WBP11: variants seen among roughly 807,000 people sequenced by gnomAD.
WBP11 encodes the protein WW domain binding protein 11.
Under a neutral mutation model 66.7 loss-of-function variants are expected in WBP11, and 12 were observed. That is an observed-to-expected ratio of 0.18 (90% confidence interval 0.12 to 0.29). The LOEUF is 0.29. Among genes scored for constraint, WBP11 ranks in the 10% least tolerant of loss-of-function variants. The pLI, the probability that WBP11 is intolerant of heterozygous loss-of-function variation, is 1.00. For synonymous variants in WBP11, 255 were observed against 273.8 expected, an observed-to-expected ratio of 0.93 and a Z score of 0.68; for missense variants, 555 against 818.3, an observed-to-expected ratio of 0.68 and a Z score of 3.93.
rs1949747176 is a variant in WBP11 at position 14,785,773 on chromosome 12, G to A, written c.*1292C>T. On this transcript the variant is annotated 3_prime_UTR_variant, in exon 12 of 12. Coordinates refer to ENST00000261167, the MANE Select transcript of WBP11 (RefSeq NM_016312.3). ...TGAGATACTGTGGAAAGTAACGTAT[G>A]CCTAAACAATGCACGCACTGTGTGT... The A allele has an allele frequency of 3.9e-5, 6 of 152,180 alleles. No individual in the cohort carries two copies. In the South Asian group the frequency reaches 1.2e-3, roughly 32 times the overall value. 9.4% of individuals were successfully genotyped at this position (152,180 alleles called of 1,614,324 possible). A position where few individuals can be genotyped will look rare whatever the true frequency, so the allele number is the denominator to read the frequency against.
intron 2 of WBP11, chr12:14,801,058 T>G (rs1353485855): frequency 2.1e-6 from 1 of 466,290 alleles, no homozygotes; most frequent in Non-Finnish European, 3.7e-6. Flanking sequence ...CTCGCAAAAC[T>G]AATTTGCTCA....
chr12:14,791,402 AT>A (rs1949820736), intron 8 of WBP11, 132 bp from the exon 9 acceptor site: 2 of 587,278 alleles, frequency 3.4e-6, no homozygotes, highest in Non-Finnish European at 3.0e-6. Context: ...TGAGATAGCT[AT>A]ACTAATGATA....
chr12:14,790,783 G>T, intron 9 of WBP11, 34 bp from the exon 10 acceptor site: 1 of 1,579,980 alleles, frequency 6.3e-7, no homozygotes, highest in South Asian at 1.2e-5. Flanking sequence ...AAATGGAGTT[G>T]ATTCATTTTC....
intron 4 of WBP11, among the ~76,000 whole-genome samples, chr12:14,797,880 G>C (rs1949911383): frequency 1.3e-5 from 2 of 152,144 alleles, no homozygotes; most frequent in African/African-American, 4.8e-5. Context: ...AGCTGAATGA[G>C]GCTAACAGAC....
chr12:14,795,804 G>T (rs1284234413), intron 5 of WBP11, among the ~76,000 whole-genome samples: 1 of 152,144 alleles, frequency 6.6e-6, no homozygotes, highest in Non-Finnish European at 1.5e-5. Context: ...AGTGGTGGAG[G>T]TTGGGCTCAT....
rs1299975590 is a variant in WBP11, at chr12:14,794,553, T to C, written c.705A>G (p.Leu235=). The part of the protein sequence containing the change: ...LPPRRRDEDM[L]YSPELAQRGH... ...ACTTCTCACCAAGTTCAGGACTATA[T>C]AACATGTCTTCATCTCGCCTACGAG... Residue 235 remains leucine, a synonymous_variant, in exon 7 of 12, where the codon TTA becomes TTG. Coordinates refer to ENST00000261167, the MANE Select transcript of WBP11 (RefSeq NM_016312.3). 3.1e-6 allele frequency: 5 copies of C among 1,613,860 alleles called. No homozygotes were observed. In the South Asian group the frequency reaches 5.5e-5, roughly 18 times the overall value.
chr12:14,792,650 C>T (rs994931829), intron 8 of WBP11, among the ~76,000 whole-genome samples: 9 of 151,734 alleles, frequency 5.9e-5, no homozygotes, highest in Non-Finnish European at 8.8e-5. Context: ...CTGGCCAACA[C>T]GGTGAAACCC....
Position 14,796,812 on chromosome 12 carries a change from C to T in WBP11, c.382G>A (p.Val128Ile). 1 of 1,587,978 alleles carries T rather than the reference C, an allele frequency of 6.3e-7. No individual in the cohort carries two copies. Among genetic ancestry groups the T allele is most frequent in the Non-Finnish European group, 8.5e-7 (1 of 1,172,746 alleles). The change falls in exon 5 of 12, where the codon GTC (valine) becomes ATC (isoleucine). Residue 128 changes from valine (V) to isoleucine (I), a missense_variant. Val to Ile is a conservative substitution (Grantham distance 29, BLOSUM62 3). Transcript: ENST00000261167. The surrounding 1 kb of genome is among the most constrained non-coding windows in gnomAD (Gnocchi z 4.5). ...AAAAAAAAAACCTTGATTACCTTGA[C>T]AGCATCAAAATATTGGCTAAGTTGA... ...RAQLSQYFDA[V>I]KNAQHVEVES...
chr12:14,793,796 C>G lies in WBP11; in HGVS notation c.848G>C (p.Ser283Thr), dbSNP rs781113791. 11 of 1,614,008 alleles carry G rather than the reference C, an allele frequency of 6.8e-6. No homozygotes were observed. The African/African-American group carries it at 1.5e-4, about 22-fold the overall frequency. The change falls in exon 8 of 12, where the codon AGT (serine) becomes ACT (threonine). Residue 283 changes from serine (S) to threonine (T), a missense_variant. Physicochemically the swap from Ser to Thr is moderately conservative, Grantham distance 58. Transcript: ENST00000261167. The stretch of plus-strand genomic sequence containing the variant: ...ACGGTGCACAAATTCATCCCCGTCA[C>G]TTTCTCCATCTGATTTGTCGGTGTC... ...DSDTDKSDGE[S>T]DGDEFVHRDN...
At chr12:14,793,574 T>A (rs1949849234) in intron 8 of WBP11, among the ~76,000 whole-genome samples, 157 bp downstream of exon 8, 1 of 152,196 alleles carries the variant, frequency 6.6e-6, no homozygotes, top group African/African-American at 2.4e-5. Flanking sequence ...ACTTACTGTG[T>A]CAAAAACTTT....
intron 3 of WBP11, among the ~76,000 whole-genome samples, 162 bp downstream of exon 3, chr12:14,800,590 C>T (rs186058990): frequency 4.6e-5 from 7 of 152,010 alleles, no homozygotes; most frequent in Non-Finnish European, 1.0e-4. Flanking sequence ...TACTTCAGTT[C>T]CTAAATAAAG....
Position 14,787,466 on chromosome 12 carries a change from G to C in WBP11, c.1525C>G (p.Pro509Ala). 1 of 1,520,410 alleles carries C rather than the reference G, an allele frequency of 6.6e-7. No homozygotes were observed. The highest frequency in any genetic ancestry group is 8.8e-7 in the Non-Finnish European group (1 of 1,134,000). The allele number at this position is 1,520,410 out of a possible 1,614,324, so 94.2% of individuals were successfully genotyped here. A position where few individuals can be genotyped will look rare whatever the true frequency, so the allele number is the denominator to read the frequency against. ...GGTCCAAGGGGAGGCACCAAAGGTG[G>C]GCGCATCATGCCAGGACGAGGTGGA... ...IPPPRPGMMR[P>A]PLVPPLGPAP... The change falls in exon 12 of 12, where the codon CCA becomes GCA. Residue 509 changes from proline (P) to alanine (A), a missense_variant. Transcript: ENST00000261167.
At chr12:14,795,836 CTGT>C (rs1462202507) in intron 5 of WBP11, among the ~76,000 whole-genome samples, 11 of 152,292 alleles carry the variant, frequency 7.2e-5, no homozygotes, top group African/African-American at 2.4e-4. Context: ...TGTTGAATTT[CTGT>C]TGTGTATTAG....
At chr12:14,800,823 T>C in intron 2 of WBP11, 40 bp from the exon 3 acceptor site, 1 of 1,523,814 alleles carries the variant, frequency 6.6e-7, no homozygotes. Context: ...AATCTTTGAA[T>C]CTTGAACATT....
rs71537690 is a variant in WBP11 at position 14,786,706 on chromosome 12, T to C, written c.*359A>G. The C allele has an allele frequency of 2.9e-3, 487 of 170,666 alleles. 3 individuals carry two copies. Among genetic ancestry groups the C allele is most frequent in the African/African-American group, 9.1e-3 (383 of 42,226 alleles). 10.6% of individuals were successfully genotyped at this position (170,666 alleles called of 1,614,324 possible). On this transcript the variant is annotated 3_prime_UTR_variant, in exon 12 of 12. Coordinates refer to ENST00000261167, the MANE Select transcript of WBP11 (RefSeq NM_016312.3). ...CAAGATGAAATAAACTGTTTTTTTT[T>C]CTCCAGAAATCTCTACTCCAGTGCC...
At chr12:14,788,170 C>T (rs765521375) in intron 11 of WBP11, among the ~76,000 whole-genome samples, 13 of 152,054 alleles carry the variant, frequency 8.5e-5, no homozygotes, top group South Asian at 4.1e-4. Context: ...ACCCAGGAGG[C>T]GGAGGTTGCA....
chr12:14,798,511 G>A (rs1202357515), intron 4 of WBP11, among the ~76,000 whole-genome samples: 1 of 152,186 alleles, frequency 6.6e-6, no homozygotes, highest in East Asian at 1.9e-4. Context: ...CCCAAGGAAA[G>A]TAATTATCCC....
chr12:14,798,358 TGAC>T (rs1949916590), intron 4 of WBP11, among the ~76,000 whole-genome samples: 1 of 152,144 alleles, frequency 6.6e-6, no homozygotes, highest in Non-Finnish European at 1.5e-5. Flanking sequence ...TAAAAAATTG[TGAC>T]GATTAGAAAA....
Position 14,797,006 on chromosome 12 carries a change from A to G in WBP11, c.191-3T>C. ...TGGCTGTTGCACTGGGTTAAACTCTAAGAGAAAAAGTAGATTATGGAATTA... is the reference window on the plus strand; with the variant it reads ...TGGCTGTTGCACTGGGTTAAACTCTGAGAGAAAAAGTAGATTATGGAATTA... On this transcript the variant is annotated splice_polypyrimidine_tract_variant and splice_region_variant and intron_variant, in intron 4 of 11. Coordinates refer to ENST00000261167, the MANE Select transcript of WBP11 (RefSeq NM_016312.3). The G allele has an allele frequency of 6.4e-7, 1 of 1,565,898 alleles. No individual in the cohort carries two copies. The highest frequency in any genetic ancestry group is 1.2e-5 in the South Asian group (1 of 82,186).
Sources: gnomAD v4.1 joint callset for allele counts (sites outside exome capture counted in the v4.1 genomes callset) on GRCh38, gnomAD v4.1.1 for gene constraint, Gnocchi (gnomAD v3.1) non-coding constraint, MANE v1.5 for transcripts, NCBI Gene and HGNC (gene_info 2026-07-23, HGNC 2026-07-21) for gene names.